ACSL3: variants seen among roughly 807,000 people sequenced by gnomAD.
ACSL3 encodes fatty acid CoA ligase Acsl3.
Under a neutral mutation model 84.7 loss-of-function variants are expected in ACSL3, and 34 were observed. The ratio of observed to expected loss-of-function variants is 0.40; its 90% CI spans 0.31 to 0.53. ACSL3 has a LOEUF of 0.53. Ranked by LOEUF, ACSL3 falls within the 20% of genes least tolerant of loss-of-function variation. ACSL3 has a pLI of 0.48. For synonymous variants in ACSL3, 315 were observed against 299.4 expected (o/e 1.05, Z -0.54); for missense variants, 680 against 873.1 (o/e 0.78, Z 2.79).
chr2:222,931,728 C>G (rs16864233), intron 14 of ACSL3, among the ~76,000 whole-genome samples: 1 of 152,204 alleles, frequency 6.6e-6, no homozygotes, highest in Non-Finnish European at 1.5e-5. Flanking sequence ...CATTTAATGT[C>G]TCCTAGAAGC....
chr2:222,922,889 T>G (rs1696778185), intron 9 of ACSL3, 58 bp downstream of exon 9: 1 of 1,604,564 alleles, frequency 6.2e-7, no homozygotes, highest in Non-Finnish European at 8.5e-7. Flanking sequence ...TGTAATGCAT[T>G]TTTTTCAGTC....
chr2:222,930,750 A>G lies in ACSL3; in HGVS notation c.1670A>G (p.Gln557Arg), dbSNP rs766098543. 2.5e-6 allele frequency: 4 copies of G among 1,614,192 alleles called. No homozygotes were observed. The South Asian group carries it at 4.4e-5, about 18-fold the overall frequency. Residue 557 changes from glutamine to arginine, a missense_variant, in exon 14 of 17, where the codon CAA (glutamine) becomes CGA (arginine). This residue lies in a region of ACSL3 where 347 missense variants were observed against 525.7 expected (regional missense o/e 0.66). Coordinates refer to ENST00000357430, the MANE Select transcript of ACSL3 (RefSeq NM_004457.5). ...KADFFEDENGQRWLCTGDIGE... is the reference protein window; with the variant it reads ...KADFFEDENGRRWLCTGDIGE... ...GATTTCTTTGAAGATGAAAATGGAC[A>G]AAGGTGGCTCTGTACTGGGGATATT...
intron 1 of ACSL3, among the ~76,000 whole-genome samples, chr2:222,883,698 G>T (rs1695649729): frequency 4.0e-5 from 1 of 25,014 alleles, no homozygotes; most frequent in African/African-American, 3.2e-4. Context: ...TTGCCTCTTT[G>T]TTCTTTTTTT....
intron 1 of ACSL3, among the ~76,000 whole-genome samples, chr2:222,876,921 C>T (rs1455091370): frequency 2.6e-5 from 4 of 152,164 alleles, no homozygotes; most frequent in African/African-American, 7.2e-5. Context: ...GGGAGATAAA[C>T]GATGGAGGTA....
At chr2:222,926,865 G>A in intron 11 of ACSL3, 152 bp from the exon 12 acceptor site, 2 of 692,298 alleles carry the variant, frequency 2.9e-6, no homozygotes, top group Non-Finnish European at 4.5e-6. Flanking sequence ...TTAACATTTG[G>A]GGCTCAAGAG....
At chr2:222,937,452 A>G (rs1341662620) in intron 16 of ACSL3, among the ~76,000 whole-genome samples, 1 of 152,064 alleles carries the variant, frequency 6.6e-6, no homozygotes, top group Non-Finnish European at 1.5e-5. Context: ...TCCCCTAGTT[A>G]TGTCAGTGTT....
Position 222,892,440 on chromosome 2 carries a change from C to T in ACSL3, c.-148+4552C>T, listed in dbSNP as rs192219861. Among the ~76,000 whole-genome samples, 586 of 152,082 alleles carry T rather than the reference C, an allele frequency of 3.9e-3. 2 individuals carry two copies. The highest frequency in any genetic ancestry group is 0.02 in the Middle Eastern group (6 of 294). On this transcript the variant is annotated intron_variant, in intron 2 of 16. Coordinates refer to ENST00000357430, the MANE Select transcript of ACSL3 (RefSeq NM_004457.5). ...CCCCTCTAAAAAAGAAACTCTTTCC[C>T]GATAGTAAATAATAGTCTCTGGTTG... is the stretch of plus-strand genomic sequence containing the variant.
At chr2:222,925,561 C>T (rs974863184) in intron 11 of ACSL3, among the ~76,000 whole-genome samples, 1 of 152,106 alleles carries the variant, frequency 6.6e-6, no homozygotes, top group Admixed American at 6.5e-5. Context: ...GACTGCACCA[C>T]TGCACACCAC....
intron 1 of ACSL3, among the ~76,000 whole-genome samples, chr2:222,866,086 C>T (rs1695130773): frequency 6.6e-6 from 1 of 152,162 alleles, no homozygotes. Flanking sequence ...TAATAGCCAA[C>T]ACCTTTATAG....
intron 3 of ACSL3, among the ~76,000 whole-genome samples, chr2:222,903,383 C>T (rs995829663): frequency 6.6e-6 from 1 of 152,312 alleles, no homozygotes; most frequent in East Asian, 1.9e-4. Context: ...CTCAAGTGAT[C>T]CATTTGTCCT....
At position 222,943,756 on chromosome 2, in the gene ACSL3, A is replaced by G. The variant is rs1303711541; in HGVS notation, c.*2102A>G. The G allele has an allele frequency of 1.3e-5, 2 of 152,146 alleles. No homozygotes were observed. The highest frequency in any genetic ancestry group is 2.9e-5 in the Non-Finnish European group (2 of 67,980). The allele number at this position is 152,146 out of a possible 1,614,324, so 9.4% of individuals were successfully genotyped here. On this transcript the variant is annotated 3_prime_UTR_variant, in exon 17 of 17. Transcript: ENST00000357430. Reference sequence around the variant, plus strand: ...AACTATCTTTAGTGACTTAAAAAATAATATCCTCTAAAATTACCCTTTCAA... The same window carrying G: ...AACTATCTTTAGTGACTTAAAAAATGATATCCTCTAAAATTACCCTTTCAA...
rs138352775 is a variant in ACSL3 at position 222,934,681 on chromosome 2, A to G, written c.1999A>G (p.Ile667Val). 477 of 1,607,582 alleles carry G rather than the reference A, an allele frequency of 3.0e-4. 1 individual carries two copies. The highest frequency in any genetic ancestry group is 4.6e-4 in the Admixed American group (27 of 58,984). Residue 667 changes from isoleucine (I) to valine (V), a missense_variant, in exon 16 of 17, where the codon ATT becomes GTT. This residue lies in a region of ACSL3 where 347 missense variants were observed against 525.7 expected (regional missense o/e 0.66). Transcript: ENST00000357430. ...ACTTAAAGTGCTTTCCGAAGCTGCT[A>G]TTTCAGGTGAGTATTCGGTTAAACT... ...EVLKVLSEAA[I>V]SASLEKFEIP...
intron 4 of ACSL3, among the ~76,000 whole-genome samples, chr2:222,911,045 C>CT (rs781161368): frequency 0.013 from 1,633 of 123,560 alleles, 36 homozygotes; most frequent in African/African-American, 0.039. Flanking sequence ...CTGGCACTGC[C>CT]TTTTTTTTTT....
At chr2:222,939,909 C>A (rs1448395783) in intron 16 of ACSL3, among the ~76,000 whole-genome samples, 1 of 152,144 alleles carries the variant, frequency 6.6e-6, no homozygotes, top group East Asian at 1.9e-4. Flanking sequence ...TAGCTGTTTA[C>A]CCATTTCCCT....
chr2:222,889,108 C>T (rs1559283147), intron 2 of ACSL3, among the ~76,000 whole-genome samples: 1 of 152,092 alleles, frequency 6.6e-6, no homozygotes, highest in Non-Finnish European at 1.5e-5. Context: ...ATAATTATGA[C>T]ATATTAAATG....
intron 1 of ACSL3, among the ~76,000 whole-genome samples, chr2:222,882,420 C>G (rs1695613002): frequency 1.3e-5 from 2 of 152,154 alleles, no homozygotes; most frequent in Admixed American, 6.5e-5. Flanking sequence ...CTTTTTGGCA[C>G]TAGGGACCCA....
chr2:222,863,594 A>G (rs563756710), intron 1 of ACSL3, among the ~76,000 whole-genome samples: 1 of 152,302 alleles, frequency 6.6e-6, no homozygotes, highest in Admixed American at 6.5e-5. Flanking sequence ...TTGGGCTTGA[A>G]TATTGGATTT....
At chr2:222,866,587 A>G (rs1695147264) in intron 1 of ACSL3, among the ~76,000 whole-genome samples, 2 of 152,076 alleles carry the variant, frequency 1.3e-5, no homozygotes, top group Non-Finnish European at 2.9e-5. Context: ...CCTGTTCTTA[A>G]CCTGGGCGCT....
chr2:222,863,654 C>A (rs1177618356), intron 1 of ACSL3, among the ~76,000 whole-genome samples: 1 of 152,222 alleles, frequency 6.6e-6, no homozygotes, highest in South Asian at 2.1e-4. Context: ...TTTAAAACAA[C>A]GAGCATCATA....
Sources: gnomAD v4.1 joint callset for allele counts (sites outside exome capture counted in the v4.1 genomes callset) on GRCh38, gnomAD v4.1.1 for gene constraint, gnomAD v4.1.1 regional missense constraint, MANE v1.5 for transcripts, NCBI Gene and HGNC (gene_info 2026-07-23, HGNC 2026-07-21) for gene names.